Variants in SOX6 observed in about 807,000 individuals in gnomAD.
The protein encoded by SOX6 is SRY-box transcription factor 6.
In SOX6, 11 loss-of-function variants were observed where a neutral mutation model predicts 97.8. The ratio of observed to expected loss-of-function variants is 0.11; its 90% CI spans 0.07 to 0.19. The LOEUF is 0.19. SOX6 is among the 10% of genes least tolerant of loss of function. The pLI, the probability that SOX6 is intolerant of heterozygous loss-of-function variation, is 1.00. For synonymous variants in SOX6, 360 were observed against 371.4 expected (o/e 0.97, Z 0.35); for missense variants, 810 against 1,039.5 (o/e 0.78, Z 3.04).
intron 3 of SOX6, among the ~76,000 whole-genome samples, chr11:16,638,094 C>G (rs1241408624): frequency 7.7e-6 from 1 of 129,548 alleles, no homozygotes; most frequent in African/African-American, 2.9e-5. Context: ...TGTGATGTTC[C>G]CCTTCCTGTG....
At chr11:16,476,622 G>A (rs2133120959), upstream of SOX6, among the ~76,000 whole-genome samples, 1 of 151,980 alleles carries the variant, frequency 6.6e-6, no homozygotes, top group Middle Eastern at 3.4e-3. Context: ...AAAAAAATCG[G>A]TAATAAAGTA....
intron 4 of SOX6, among the ~76,000 whole-genome samples, chr11:16,552,841 A>C (rs1043647926): frequency 1.3e-5 from 2 of 152,214 alleles, no homozygotes; most frequent in Non-Finnish European, 2.9e-5. Flanking sequence ...GGTACTCATA[A>C]GTAAGTTTGA....
chr11:16,439,633 C>T (rs541386010), intron 1 of SOX6, among the ~76,000 whole-genome samples: 1 of 152,278 alleles, frequency 6.6e-6, no homozygotes, highest in East Asian at 1.9e-4. Context: ...AGTATAGCCA[C>T]TTCCTTCCTG....
chr11:16,122,742 C>T (rs1427298391), intron 6 of SOX6, among the ~76,000 whole-genome samples: 2 of 152,002 alleles, frequency 1.3e-5, no homozygotes, highest in East Asian at 1.9e-4. Context: ...CTCTCAAGGG[C>T]TCTGTAAAAG....
intron 4 of SOX6, among the ~76,000 whole-genome samples, chr11:16,219,680 A>C (rs1324858753): frequency 6.6e-6 from 1 of 152,054 alleles, no homozygotes; most frequent in African/African-American, 2.4e-5. Context: ...ATGAAAATAC[A>C]CATATTTTAT....
intron 3 of SOX6, among the ~76,000 whole-genome samples, chr11:16,638,171 T>G (rs1454054969): frequency 6.6e-6 from 1 of 151,398 alleles, no homozygotes; most frequent in Non-Finnish European, 1.5e-5. Flanking sequence ...TTTTTTGTCC[T>G]TGCGATAGTT....
At chr11:16,313,573 T>C (rs1182039110) in intron 3 of SOX6, 2 of 152,160 alleles carry the variant, frequency 1.3e-5, no homozygotes, top group Non-Finnish European at 1.5e-5. Context: ...GGAGCTGTTA[T>C]ACCTCCTTAG....
chr11:15,998,844 A>C (rs1854311998), intron 13 of SOX6, among the ~76,000 whole-genome samples: 1 of 152,134 alleles, frequency 6.6e-6, no homozygotes, highest in Non-Finnish European at 1.5e-5. Flanking sequence ...ACATAAGACA[A>C]TATTTTAGTG....
In SOX6 at chr11:16,651,124, T is replaced by C. The variant is rs143885634; in HGVS notation, n.430-38864A>G. ...ATAACAGCGAGATTAAAAGAGTAAT[T>C]TTTAAAACTGCCTACAAAAAGAAAG... On this transcript the variant is annotated intron_variant and non_coding_transcript_variant, in intron 3 of 5. Coordinates refer to the SOX6 transcript ENST00000524520. Among the ~76,000 whole-genome samples the C allele has an allele frequency of 3.8e-3, 572 of 152,074 alleles. 8 individuals are homozygous for C. The highest frequency in any genetic ancestry group is 0.013 in the African/African-American group (546 of 41,542).
chr11:16,078,891 A>G (rs779985460), intron 9 of SOX6, among the ~76,000 whole-genome samples: 1 of 152,132 alleles, frequency 6.6e-6, no homozygotes, highest in Non-Finnish European at 1.5e-5. Context: ...TGTGCTTGGA[A>G]TGTTTGAGGA....
chr11:16,388,769 T>C lies in SOX6; in HGVS notation c.-4-47517A>G, dbSNP rs1211229976. Among the ~76,000 whole-genome samples the C allele has an allele frequency of 6.6e-5, 10 of 152,286 alleles. No homozygotes were observed. In the South Asian group the frequency reaches 2.1e-3, roughly 32 times the overall value. The stretch of plus-strand genomic sequence containing the variant: ...TTGTGTTTCTTTTTTTCTTGGTCTT[T>C]ACAAAAGAAAAACAATTTTTGCCTG... On this transcript the variant is annotated intron_variant, in intron 1 of 15. Transcript: ENST00000396356.
Position 15,973,010 on chromosome 11 carries a change from G to A in SOX6, c.2286C>T (p.Cys762=). Residue 762 remains cysteine (C), a synonymous_variant, in exon 16 of 16, where the codon TGC becomes TGT. Coordinates refer to ENST00000683767, the MANE Select transcript of SOX6 (RefSeq NM_001367873.1). Reference sequence around the variant, plus strand: ...GCTCCGGGCTGGCCGAGGTGCTAGAGCAGTCAGATGTCATCTGAGGCGATG... The same window carrying A: ...GCTCCGGGCTGGCCGAGGTGCTAGAACAGTCAGATGTCATCTGAGGCGATG... ...TTPSPQMTSD[C]SSTSASPEPS... 1.2e-6 allele frequency: 2 copies of A among 1,614,192 alleles called. No homozygotes were observed. Among genetic ancestry groups the A allele is most frequent in the Non-Finnish European group, 1.7e-6 (2 of 1,180,026 alleles).
intron 4 of SOX6, among the ~76,000 whole-genome samples, chr11:16,226,360 CTGTG>C (rs2134164547): frequency 6.6e-6 from 1 of 150,506 alleles, no homozygotes; most frequent in East Asian, 2.0e-4. Flanking sequence ...CTCTTATCTT[CTGTG>C]TGTTTGTCAA....
chr11:16,714,103 GAAAT>G lies in SOX6; in HGVS notation n.429+723_429+726del, dbSNP rs1244685924. Among the ~76,000 whole-genome samples, 5 of 152,118 alleles carry G rather than the reference GAAAT, an allele frequency of 3.3e-5. No homozygotes were observed. In the East Asian group the frequency reaches 9.6e-4, roughly 29 times the overall value. On this transcript the variant is annotated intron_variant and non_coding_transcript_variant, in intron 3 of 5. Coordinates refer to the SOX6 transcript ENST00000524520. Reference sequence around the variant, plus strand: ...TCTACATAATTTTTCAAAAGTATTAGAAATAATAAAATATAAATTATTTGACTTT... The same window carrying G: ...TCTACATAATTTTTCAAAAGTATTAGAATAAAATATAAATTATTTGACTTT...
chr11:16,705,247 G>C (rs1848123107), intron 3 of SOX6, among the ~76,000 whole-genome samples: 1 of 150,416 alleles, frequency 6.6e-6, no homozygotes, highest in Non-Finnish European at 1.5e-5. Flanking sequence ...GACAGAGCAA[G>C]ACTCTGTCTC....
At chr11:16,599,862 A>T (rs1195306643) in intron 4 of SOX6, among the ~76,000 whole-genome samples, 1 of 152,178 alleles carries the variant, frequency 6.6e-6, no homozygotes, top group Non-Finnish European at 1.5e-5. Flanking sequence ...TGAGTGATAT[A>T]TTAGGGGTCT....
intron 12 of SOX6, among the ~76,000 whole-genome samples, chr11:16,018,487 G>A (rs1854952559): frequency 6.6e-6 from 1 of 152,042 alleles, no homozygotes; most frequent in Admixed American, 6.6e-5. Context: ...GGCATCAAAT[G>A]TAAAATTGTG....
intron 1 of SOX6, among the ~76,000 whole-genome samples, chr11:16,469,999 A>C (rs1860111999): frequency 6.6e-6 from 1 of 152,122 alleles, no homozygotes; most frequent in Non-Finnish European, 1.5e-5. Flanking sequence ...ATACACATTC[A>C]GATTAGCAAA....
intron 3 of SOX6, among the ~76,000 whole-genome samples, chr11:16,676,248 G>T (rs930861931): frequency 6.6e-6 from 1 of 151,966 alleles, no homozygotes; most frequent in African/African-American, 2.4e-5. Flanking sequence ...TTTCTCTTTG[G>T]TTCCTTTTTA....
Sources: allele counts gnomAD v4.1 joint callset (sites outside exome capture counted in the v4.1 genomes callset), GRCh38; gene constraint gnomAD v4.1.1; transcripts MANE v1.5; gene names NCBI Gene and HGNC (gene_info 2026-07-23, HGNC 2026-07-21).